Variants in TMCO1 observed in about 807,000 individuals in gnomAD.
TMCO1 encodes the protein calcium load-activated calcium channel.
TMCO1 carries 29 observed loss-of-function variants against 29.3 expected under a neutral mutation model. That is an observed-to-expected ratio of 0.99 (90% confidence interval 0.74 to 1.35). The LOEUF (loss-of-function observed/expected upper bound fraction) is 1.35. Among genes scored for constraint, TMCO1 ranks in the 40% most tolerant of loss-of-function variants. The pLI is 0.00. For missense variants in TMCO1, 173 were observed against 225.5 expected, an observed-to-expected ratio of 0.77 and a Z score of 1.49; for synonymous variants, 80 against 77.1, an observed-to-expected ratio of 1.04 and a Z score of -0.20.
chr1:165,734,548 G>C (rs1571211645), intron 6 of TMCO1, among the ~76,000 whole-genome samples: 1 of 151,622 alleles, frequency 6.6e-6, no homozygotes, highest in African/African-American at 2.4e-5. Flanking sequence ...CTGTCGTCCA[G>C]GCTGGAGTGC....
chr1:165,732,501 C>CTA lies in TMCO1; in HGVS notation c.469-4381_469-4380insTA, dbSNP rs1213679240. On this transcript the variant is annotated intron_variant, in intron 6 of 6. Coordinates refer to ENST00000367881, the MANE Select transcript of TMCO1 (RefSeq NM_019026.6). ...TTTCTCTCTCTCTCTCTCTCTCTCT[C>CTA]TCTCTATATATATATATATAAACAT... 3.7e-3 allele frequency among the ~76,000 whole-genome samples: 512 copies of CTA among 138,182 alleles called. 1 individual carries two copies. The highest frequency in any genetic ancestry group is 8.1e-3 in the African/African-American group (286 of 35,472). 90.7% of individuals were successfully genotyped at this position (138,182 alleles called of 152,430 possible).
Position 165,727,599 on chromosome 1 carries a change from GA to G in TMCO1, c.*423del, listed in dbSNP as rs35952900. 8.7e-5 allele frequency: 39 copies of G among 447,256 alleles called. No individual in the cohort carries two copies. Among genetic ancestry groups the G allele is most frequent in the South Asian group, 1.7e-4 (11 of 63,636 alleles). 27.7% of individuals were successfully genotyped at this position (447,256 alleles called of 1,614,324 possible). A position where few individuals can be genotyped will look rare whatever the true frequency, so the allele number is the denominator to read the frequency against. ...TGATCTTATGTCATGTATTTGGCTTGAAAAAAAAACAACAACAAAACAAACA... is the reference window on the plus strand; with the variant it reads ...TGATCTTATGTCATGTATTTGGCTTGAAAAAAAACAACAACAAAACAAACA... On this transcript the variant is annotated 3_prime_UTR_variant, in exon 7 of 7. Coordinates refer to ENST00000367881, the MANE Select transcript of TMCO1 (RefSeq NM_019026.6).
intron 6 of TMCO1, among the ~76,000 whole-genome samples, chr1:165,737,783 T>G (rs1342946851): frequency 6.6e-6 from 1 of 152,220 alleles, no homozygotes; most frequent in Non-Finnish European, 1.5e-5. Flanking sequence ...AAAATAAAGA[T>G]ATTTTCAGAT....
At chr1:165,767,659 G>T (rs1244479640) in intron 2 of TMCO1, among the ~76,000 whole-genome samples, 2 of 152,022 alleles carry the variant, frequency 1.3e-5, no homozygotes, top group Non-Finnish European at 2.9e-5. Flanking sequence ...GGCTACCATG[G>T]TTCCTCACAA....
Position 165,727,814 on chromosome 1 carries a change from T to G in TMCO1, c.*209A>C. ...CCTGAACTTAACTAATCAATCCACT[T>G]ATTTGATAAAAATCATCTAGGACCA... On this transcript the variant is annotated 3_prime_UTR_variant, in exon 7 of 7. Transcript: ENST00000367881. 4.0e-6 allele frequency: 2 copies of G among 505,204 alleles called. No individual in the cohort carries two copies. The highest frequency in any genetic ancestry group is 7.7e-6 in the Non-Finnish European group (2 of 260,226). The allele number at this position is 505,204 out of a possible 1,614,324, so 31.3% of individuals were successfully genotyped here. A position where few individuals can be genotyped will look rare whatever the true frequency, so the allele number is the denominator to read the frequency against.
chr1:165,758,952 T>C lies in TMCO1; in HGVS notation c.208+573A>G, dbSNP rs187204770. Among the ~76,000 whole-genome samples, 3 of 152,344 alleles carry C rather than the reference T, an allele frequency of 2.0e-5. No homozygotes were observed. The East Asian group carries it at 5.8e-4, about 29-fold the overall frequency. On this transcript the variant is annotated intron_variant, in intron 3 of 6. Coordinates refer to ENST00000367881, the MANE Select transcript of TMCO1 (RefSeq NM_019026.6). ...AATCTCATAATAATTTTTTTCCTAA[T>C]TTCAGAATCAAGAAATGTCATAATG... is the stretch of plus-strand genomic sequence containing the variant.
At position 165,728,229 on chromosome 1, in the gene TMCO1, A is replaced by ATTAT. The variant is rs1650984261; in HGVS notation, c.469-109_469-108insATAA. 6 of 769,260 alleles carry ATTAT rather than the reference A, an allele frequency of 7.8e-6. No homozygotes were observed. In the Admixed American group the frequency reaches 9.4e-5, roughly 12 times the overall value. The allele number at this position is 769,260 out of a possible 1,614,324, so 47.7% of individuals were successfully genotyped here. On this transcript the variant is annotated intron_variant, in intron 6 of 6. Transcript: ENST00000367881. Reference sequence around the variant, plus strand: ...ACTCATACTCATATAGATTAAAGGAACCATTATGACCTGCAATAGGATGAT... The same window carrying ATTAT: ...ACTCATACTCATATAGATTAAAGGAATTATCCATTATGACCTGCAATAGGATGAT...
rs1232862915 is a variant in TMCO1, at chr1:165,727,234, A to G, written c.*789T>C. ...GAGTGCCCCCACAAGAATCTGAGAG[A>G]CTGTAATAGGATATGAAGAGAACAG... On this transcript the variant is annotated 3_prime_UTR_variant, in exon 7 of 7. Coordinates refer to ENST00000367881, the MANE Select transcript of TMCO1 (RefSeq NM_019026.6). The G allele has an allele frequency of 2.2e-6, 1 of 453,528 alleles. No homozygotes were observed. The highest frequency in any genetic ancestry group is 4.4e-6 in the Non-Finnish European group (1 of 226,698). The allele number at this position is 453,528 out of a possible 1,614,324, so 28.1% of individuals were successfully genotyped here.
intron 5 of TMCO1, among the ~76,000 whole-genome samples, chr1:165,749,402 G>A (rs1260065457): frequency 6.6e-6 from 1 of 152,144 alleles, no homozygotes; most frequent in Non-Finnish European, 1.5e-5. Flanking sequence ...AATCATCAGG[G>A]AAAAGATGAT....
intron 6 of TMCO1, among the ~76,000 whole-genome samples, chr1:165,735,168 C>T (rs77129356): frequency 0.014 from 2,062 of 152,264 alleles, 38 homozygotes; most frequent in African/African-American, 0.046. Context: ...TTCCTCCTTC[C>T]TTTCCTCTTT....
intron 4 of TMCO1, among the ~76,000 whole-genome samples, chr1:165,752,638 CA>C (rs1183901665): frequency 6.6e-6 from 1 of 151,052 alleles, no homozygotes; most frequent in African/African-American, 2.4e-5. Context: ...ACTAAAAATA[CA>C]AAAAATTAGC....
chr1:165,740,119 TAACAACAAC>T (rs566615976), intron 6 of TMCO1, among the ~76,000 whole-genome samples: 2 of 151,846 alleles, frequency 1.3e-5, no homozygotes, highest in Non-Finnish European at 2.9e-5. Context: ...CTCAAAATAA[TAACAACAAC>T]AACAACAACA....
chr1:165,743,994 G>A (rs1651697072), intron 5 of TMCO1, among the ~76,000 whole-genome samples: 1 of 151,704 alleles, frequency 6.6e-6, no homozygotes, highest in African/African-American at 2.4e-5. Flanking sequence ...CGAGTAGCTG[G>A]GATTACAGAT....
At chr1:165,753,835 C>T (rs1194788955) in intron 4 of TMCO1, among the ~76,000 whole-genome samples, 1 of 151,934 alleles carries the variant, frequency 6.6e-6, no homozygotes, top group East Asian at 1.9e-4. Context: ...GAAAAAAGAA[C>T]ACAAGACAGT....
intron 2 of TMCO1, among the ~76,000 whole-genome samples, chr1:165,767,845 A>G (rs940246711): frequency 3.9e-5 from 6 of 152,126 alleles, no homozygotes; most frequent in African/African-American, 1.4e-4. Flanking sequence ...ATACCCAGCT[A>G]ATTTTTTCTG....
At chr1:165,744,504 C>A (rs1651715449) in intron 5 of TMCO1, among the ~76,000 whole-genome samples, 1 of 152,084 alleles carries the variant, frequency 6.6e-6, no homozygotes, top group African/African-American at 2.4e-5. Context: ...TTTAAGATCT[C>A]TTTCAGGCTG....
At chr1:165,766,761 A>AAAATAAAT (rs1553251702) in intron 2 of TMCO1, among the ~76,000 whole-genome samples, 65,003 of 135,290 alleles carry the variant, frequency 0.48, 15,021 homozygotes, top group African/African-American at 0.6. Flanking sequence ...CCTGTCTCAA[A>AAAATAAAT]AAATAAATAA....
chr1:165,725,581 C>T, downstream of TMCO1: 2 of 454,092 alleles, frequency 4.4e-6, no homozygotes, highest in Non-Finnish European at 8.8e-6. Flanking sequence ...GACAATCCAT[C>T]TTACATAGGG....
chr1:165,754,180 C>A (rs1174050218), intron 4 of TMCO1, 48 bp downstream of exon 4: 3 of 1,521,744 alleles, frequency 2.0e-6, no homozygotes, highest in African/African-American at 2.7e-5. Context: ...CAGTCTTTTG[C>A]TAAAAATATT....
Sources: gnomAD v4.1 joint callset for allele counts (sites outside exome capture counted in the v4.1 genomes callset) on GRCh38, gnomAD v4.1.1 for gene constraint, MANE v1.5 for transcripts, NCBI Gene and HGNC (gene_info 2026-07-23, HGNC 2026-07-21) for gene names.